Variants in GPATCH8 observed in about 807,000 individuals in gnomAD.
The protein encoded by GPATCH8 is G-patch domain containing 8, also known as G patch domain-containing protein 8.
Under a neutral mutation model 118.3 loss-of-function variants are expected in GPATCH8, and 18 were observed. That is an observed-to-expected ratio of 0.15 (90% CI 0.11 to 0.23). The LOEUF (loss-of-function observed/expected upper bound fraction) is 0.23. GPATCH8 is among the 10% of genes least tolerant of loss of function. The pLI, the probability that GPATCH8 is intolerant of heterozygous loss-of-function variation, is 1.00. For missense variants in GPATCH8, 1,631 were observed against 1,873.8 expected, an observed-to-expected ratio of 0.87 and a Z score of 2.39; for synonymous variants, 659 against 684.7, an observed-to-expected ratio of 0.96 and a Z score of 0.59.
intron 6 of GPATCH8, among the ~76,000 whole-genome samples, chr17:44,414,147 A>ATATATATGTG (rs1567955879): frequency 4.2e-5 from 1 of 23,774 alleles, no homozygotes; most frequent in African/African-American, 1.2e-4. Flanking sequence ...ATATATGTGT[A>ATATATATGTG]TATATATATG....
Position 44,435,104 on chromosome 17 carries a change from T to A in GPATCH8, c.309A>T (p.Val103=), listed in dbSNP as rs1183229031. The A allele has an allele frequency of 6.5e-7, 1 of 1,526,882 alleles. No individual in the cohort carries two copies. The highest frequency in any genetic ancestry group is 9.1e-7 in the Non-Finnish European group (1 of 1,100,470). The allele number at this position is 1,526,882 out of a possible 1,614,324, so 94.6% of individuals were successfully genotyped here. A position where few individuals can be genotyped will look rare whatever the true frequency, so the allele number is the denominator to read the frequency against. ...DATERRRVLE[V]EKEDTEELRQ... ...TCAGCTCTTCTGTGTCTTCTTTTTCTACTTCTAGGACACGGCGCCGTTCGG... is the reference window on the plus strand; with the variant it reads ...TCAGCTCTTCTGTGTCTTCTTTTTCAACTTCTAGGACACGGCGCCGTTCGG... Residue 103 remains valine (V), a synonymous_variant, in exon 5 of 8, where the codon GTA becomes GTT. Coordinates refer to ENST00000591680, the MANE Select transcript of GPATCH8 (RefSeq NM_001002909.4).
In GPATCH8 at chr17:44,442,859, C is replaced by G. The variant is rs9889445; in HGVS notation, c.194-6314G>C. 4.2e-3 allele frequency among the ~76,000 whole-genome samples: 634 copies of G among 152,312 alleles called. 2 individuals carry two copies. Among genetic ancestry groups the G allele is most frequent in the African/African-American group, 0.014 (593 of 41,572 alleles). On this transcript the variant is annotated intron_variant, in intron 3 of 7. Coordinates refer to ENST00000591680, the MANE Select transcript of GPATCH8 (RefSeq NM_001002909.4). Reference sequence around the variant, plus strand: ...TGGGGAGGCCAAGGCAGGAAGATGCCTTGAGGACAGGAGTTTGAGACCATA... The same window carrying G: ...TGGGGAGGCCAAGGCAGGAAGATGCGTTGAGGACAGGAGTTTGAGACCATA...
chr17:44,433,264 TATA>T (rs2050382813), intron 5 of GPATCH8, among the ~76,000 whole-genome samples: 1 of 152,232 alleles, frequency 6.6e-6, no homozygotes, highest in Admixed American at 6.5e-5. Flanking sequence ...ATGTATTCTT[TATA>T]ATGTTTATAT....
intron 3 of GPATCH8, among the ~76,000 whole-genome samples, chr17:44,460,434 T>A (rs1343104339): frequency 1.3e-5 from 2 of 152,118 alleles, no homozygotes; most frequent in African/African-American, 2.4e-5. Context: ...AAAAATAAAC[T>A]CAGTTTACAA....
At position 44,486,465 on chromosome 17, in the gene GPATCH8, C is replaced by T. The variant is rs1252872017; in HGVS notation, c.46-11562G>A. The T allele has an allele frequency of 2.0e-5, 3 of 152,244 alleles. No individual in the cohort carries two copies. In the East Asian group the frequency reaches 5.8e-4, roughly 29 times the overall value. The allele number at this position is 152,244 out of a possible 1,614,324, so 9.4% of individuals were successfully genotyped here. A position where few individuals can be genotyped will look rare whatever the true frequency, so the allele number is the denominator to read the frequency against. On this transcript the variant is annotated intron_variant, in intron 1 of 7. Coordinates refer to ENST00000591680, the MANE Select transcript of GPATCH8 (RefSeq NM_001002909.4). Reference sequence around the variant, plus strand: ...TTGAGACATTTTATTAGACTGAGCTCATAGGGAGAACTTAAAAAAAATTTT... The same window carrying T: ...TTGAGACATTTTATTAGACTGAGCTTATAGGGAGAACTTAAAAAAAATTTT...
chr17:44,435,275 T>C, intron 4 of GPATCH8, 124 bp from the exon 5 acceptor site: 1 of 678,354 alleles, frequency 1.5e-6, no homozygotes, highest in Middle Eastern at 2.5e-4. Context: ...TTTGCTTAGC[T>C]ACTGCTTGCT....
rs575096758 is a variant in GPATCH8 at position 44,498,768 on chromosome 17, C to T, written c.45+4558G>A. On this transcript the variant is annotated intron_variant, in intron 1 of 7. Transcript: ENST00000591680. ...TGGCATTTCTTCCAGATTACGGGAG[C>T]GAGACATAGGAAAAACGATTTAAAA... 1.1e-4 allele frequency among the ~76,000 whole-genome samples: 16 copies of T among 152,270 alleles called. No individual in the cohort carries two copies. The South Asian group carries it at 3.3e-3, about 32-fold the overall frequency.
At position 44,400,803 on chromosome 17, in the gene GPATCH8, G is replaced by A; in HGVS notation, c.1274C>T (p.Thr425Ile). The stretch of plus-strand genomic sequence containing the variant: ...CTCTGGGGCATTCTTTGGGTGTGTA[G>A]TATTATCACCATCCATTTGTTCACT... The part of the protein sequence containing the change: ...RASEQMDGDN[T>I]THPKNAPESK... The change falls in exon 8 of 8, where the codon ACT becomes ATT. Residue 425 changes from threonine (T) to isoleucine (I), a missense_variant. By Grantham distance (89) the Thr-to-Ile change is moderately conservative (BLOSUM62 -1). Coordinates refer to ENST00000591680, the MANE Select transcript of GPATCH8 (RefSeq NM_001002909.4). 1 of 1,614,014 alleles carries A rather than the reference G, an allele frequency of 6.2e-7. No individual in the cohort carries two copies. The highest frequency in any genetic ancestry group is 1.6e-4 in the Middle Eastern group (1 of 6,062).
intron 3 of GPATCH8, among the ~76,000 whole-genome samples, chr17:44,449,645 T>C (rs2051040100): frequency 6.6e-6 from 1 of 151,674 alleles, no homozygotes; most frequent in African/African-American, 2.4e-5. Context: ...GCCTCCCGAG[T>C]AGCTGGGATT....
At chr17:44,502,726 T>C (rs1970179851) in intron 1 of GPATCH8, among the ~76,000 whole-genome samples, 1 of 152,072 alleles carries the variant, frequency 6.6e-6, no homozygotes, top group African/African-American at 2.4e-5. Context: ...CAAGCCCAAT[T>C]AACAGCCTAA....
rs2143561881 is a variant in GPATCH8 at position 44,397,311 on chromosome 17, C to G, written c.*257G>C. ...TGTTGCTGCAGAGGGGTGGGTAGCA[C>G]TTACTGGTGTTCCCTAGCTTAGAAA... On this transcript the variant is annotated 3_prime_UTR_variant, in exon 8 of 8. Coordinates refer to ENST00000591680, the MANE Select transcript of GPATCH8 (RefSeq NM_001002909.4). 1 of 648,200 alleles carries G rather than the reference C, an allele frequency of 1.5e-6. No homozygotes were observed. Among genetic ancestry groups the G allele is most frequent in the Non-Finnish European group, 2.8e-6 (1 of 351,186 alleles). 40.2% of individuals were successfully genotyped at this position (648,200 alleles called of 1,614,324 possible). A position where few individuals can be genotyped will look rare whatever the true frequency, so the allele number is the denominator to read the frequency against.
intron 5 of GPATCH8, among the ~76,000 whole-genome samples, chr17:44,428,796 T>C (rs534195770): frequency 5.3e-5 from 8 of 151,884 alleles, no homozygotes; most frequent in African/African-American, 1.9e-4. Flanking sequence ...TGAGATCCTG[T>C]CTGGGTGACA....
intron 7 of GPATCH8, 124 bp downstream of exon 7, chr17:44,405,797 C>T: frequency 2.6e-6 from 2 of 778,506 alleles, no homozygotes; most frequent in Middle Eastern, 3.9e-4. Flanking sequence ...AGCCACTGCG[C>T]CTGGCACAAG....
intron 6 of GPATCH8, among the ~76,000 whole-genome samples, chr17:44,408,636 A>G (rs970937158): frequency 1.3e-5 from 2 of 152,194 alleles, no homozygotes; most frequent in African/African-American, 4.8e-5. Context: ...TCATTTTATC[A>G]AAGTATGGAG....
chr17:44,429,839 G>C (rs2050237856), intron 5 of GPATCH8, among the ~76,000 whole-genome samples: 1 of 150,480 alleles, frequency 6.6e-6, no homozygotes, highest in Non-Finnish European at 1.5e-5. Context: ...ACCCCAACTT[G>C]AGTGACAGAG....
At chr17:44,447,506 C>A (rs1009778425) in intron 3 of GPATCH8, among the ~76,000 whole-genome samples, 2 of 152,138 alleles carry the variant, frequency 1.3e-5, no homozygotes, top group African/African-American at 4.8e-5. Context: ...AAAGACTGGG[C>A]TGCAAAGCTT....
At chr17:44,415,885 T>C (rs547739487) in intron 6 of GPATCH8, among the ~76,000 whole-genome samples, 1 of 152,318 alleles carries the variant, frequency 6.6e-6, no homozygotes, top group African/African-American at 2.4e-5. Context: ...CAGTTAGAAA[T>C]ACATAACAAG....
rs747147869 is a variant in GPATCH8 at position 44,395,758 on chromosome 17, A to G, written c.*1810T>C. 6.6e-5 allele frequency: 30 copies of G among 454,020 alleles called. No individual in the cohort carries two copies. Among genetic ancestry groups the G allele is most frequent in the Admixed American group, 2.3e-5 (1 of 42,554 alleles). 28.1% of individuals were successfully genotyped at this position (454,020 alleles called of 1,614,324 possible). On this transcript the variant is annotated 3_prime_UTR_variant, in exon 8 of 8. Transcript: ENST00000591680. Reference sequence around the variant, plus strand: ...GCAGGAACAGAGCCTTGGCCCAGGTAAGTATGGTTTTTCTTGTCAAGTGAC... The same window carrying G: ...GCAGGAACAGAGCCTTGGCCCAGGTGAGTATGGTTTTTCTTGTCAAGTGAC...
At chr17:44,413,918 C>T (rs2049547948) in intron 6 of GPATCH8, among the ~76,000 whole-genome samples, 1 of 151,976 alleles carries the variant, frequency 6.6e-6, no homozygotes, top group Admixed American at 6.6e-5. Flanking sequence ...CTGTGCCCGG[C>T]CAGGCCGAAT....
Sources: gnomAD v4.1 joint callset for allele counts (sites outside exome capture counted in the v4.1 genomes callset) on GRCh38, gnomAD v4.1.1 for gene constraint, MANE v1.5 for transcripts, NCBI Gene and HGNC (gene_info 2026-07-23, HGNC 2026-07-21) for gene names.